The following PTPRN2 variants were observed in gnomAD, a reference collection of about 807,000 sequenced individuals.
PTPRN2 encodes the protein protein tyrosine phosphatase receptor type N2.
PTPRN2 carries 74 observed loss-of-function variants against 118.8 expected under a neutral mutation model. The observed-to-expected ratio is 0.62, with a 90% confidence interval of 0.52 to 0.76. The LOEUF is 0.76. Among genes scored for constraint, PTPRN2 ranks in the 30% least tolerant of loss-of-function variants. The pLI is 0.00. For synonymous variants in PTPRN2, 641 were observed against 608.0 expected, an observed-to-expected ratio of 1.05 and a Z score of -0.80; for missense variants, 1,481 against 1,394.4, an observed-to-expected ratio of 1.06 and a Z score of -0.99.
chr7:158,347,523 A>C, intron 2 of PTPRN2, among the ~76,000 whole-genome samples: 1 of 152,240 alleles, frequency 6.6e-6, no homozygotes, highest in East Asian at 1.9e-4. Context: ...GTATATTTTG[A>C]AATCAGGTGG....
At chr7:158,078,960 ACCTCAG>A (rs1774830993) in intron 11 of PTPRN2, among the ~76,000 whole-genome samples, 1 of 151,876 alleles carries the variant, frequency 6.6e-6, no homozygotes, top group Non-Finnish European at 1.5e-5. Context: ...TGATTCTCCC[ACCTCAG>A]CCTCCCGAGT....
At chr7:157,844,052 C>T (rs6459813) in intron 12 of PTPRN2, among the ~76,000 whole-genome samples, 6 of 150,182 alleles carry the variant, frequency 4.0e-5, no homozygotes, top group Non-Finnish European at 5.9e-5. Context: ...TCCACGTCAT[C>T]GGTGTGGAAC....
At chr7:158,371,655 C>G (rs945554275) in intron 2 of PTPRN2, among the ~76,000 whole-genome samples, 2 of 152,130 alleles carry the variant, frequency 1.3e-5, no homozygotes, top group Admixed American at 6.6e-5. Context: ...AAAATGCACA[C>G]ACCAAGTGAC....
intron 6 of PTPRN2, among the ~76,000 whole-genome samples, chr7:158,149,436 A>T (rs1820683699): frequency 1.4e-5 from 2 of 139,050 alleles, no homozygotes; most frequent in South Asian, 4.8e-4. Context: ...CCTTTTCTCA[A>T]GAGGTAAAAA....
chr7:157,795,509 C>T (rs576235111), intron 12 of PTPRN2, among the ~76,000 whole-genome samples: 4 of 152,368 alleles, frequency 2.6e-5, no homozygotes, highest in South Asian at 2.1e-4. Flanking sequence ...GTTCTGTACT[C>T]GGCAGTCATT....
At chr7:158,428,519 T>C (rs1195186996) in intron 2 of PTPRN2, among the ~76,000 whole-genome samples, 1 of 152,240 alleles carries the variant, frequency 6.6e-6, no homozygotes, top group Non-Finnish European at 1.5e-5. Flanking sequence ...GATCGCAGTA[T>C]TGGGACACTT....
At chr7:158,466,548 T>C (rs1303723053) in intron 2 of PTPRN2, among the ~76,000 whole-genome samples, 3 of 152,212 alleles carry the variant, frequency 2.0e-5, no homozygotes, top group Non-Finnish European at 4.4e-5. Flanking sequence ...TGTGTATGTA[T>C]ACCACAATTG....
At chr7:158,264,966 C>T (rs941288233) in intron 3 of PTPRN2, among the ~76,000 whole-genome samples, 1 of 152,094 alleles carries the variant, frequency 6.6e-6, no homozygotes, top group Non-Finnish European at 1.5e-5. Context: ...CCTGCTAGAG[C>T]AGTCGAGGTC....
At chr7:157,604,736 C>T (rs1277311634) in intron 15 of PTPRN2, among the ~76,000 whole-genome samples, 1 of 152,204 alleles carries the variant, frequency 6.6e-6, no homozygotes, top group Non-Finnish European at 1.5e-5. Context: ...CATAAAAACT[C>T]GCTCGGACAG....
At chr7:158,271,763 CCT>C in intron 3 of PTPRN2, among the ~76,000 whole-genome samples, 2 of 152,276 alleles carry the variant, frequency 1.3e-5, no homozygotes, top group Non-Finnish European at 2.9e-5. Flanking sequence ...TGGGCCTTCC[CCT>C]GTCATCTCAC....
chr7:157,739,987 G>A (rs1800528490), intron 12 of PTPRN2, among the ~76,000 whole-genome samples: 1 of 152,262 alleles, frequency 6.6e-6, no homozygotes, highest in Non-Finnish European at 1.5e-5. Flanking sequence ...CACTGGGACT[G>A]TATGGAGTTT....
chr7:158,199,022 C>T (rs1826428243), intron 4 of PTPRN2, among the ~76,000 whole-genome samples: 1 of 152,048 alleles, frequency 6.6e-6, no homozygotes, highest in Admixed American at 6.6e-5. Flanking sequence ...TTAGCATGTT[C>T]CCAGGTTCTT....
At chr7:158,585,169 C>T (rs1231410586) in intron 1 of PTPRN2, among the ~76,000 whole-genome samples, 9 of 152,290 alleles carry the variant, frequency 5.9e-5, no homozygotes, top group South Asian at 4.2e-4. Flanking sequence ...AGCACCTGCC[C>T]GGCACAGGTA....
intron 13 of PTPRN2, among the ~76,000 whole-genome samples, chr7:157,661,216 C>T (rs943365374): frequency 2.6e-5 from 4 of 152,266 alleles, no homozygotes; most frequent in African/African-American, 9.6e-5. Flanking sequence ...CACTGCGCAG[C>T]GCAGGGTCTT....
chr7:158,303,836 A>C (rs535251421), intron 3 of PTPRN2, among the ~76,000 whole-genome samples: 1 of 152,254 alleles, frequency 6.6e-6, no homozygotes, highest in Non-Finnish European at 1.5e-5. Context: ...AGGGCTGACA[A>C]CTACTGCTCC....
chr7:157,553,646 C>T (rs892636282), intron 21 of PTPRN2, among the ~76,000 whole-genome samples: 3 of 152,170 alleles, frequency 2.0e-5, no homozygotes, highest in South Asian at 2.1e-4. Context: ...CAAAATGACA[C>T]GGGAGCGTGC....
At chr7:157,557,548 ACT>A (rs1798966746) in intron 21 of PTPRN2, among the ~76,000 whole-genome samples, 1 of 66,674 alleles carries the variant, frequency 1.5e-5, no homozygotes, top group Non-Finnish European at 3.0e-5. Flanking sequence ...CATCACACAC[ACT>A]CCCACACACA....
At chr7:158,089,851 G>T (rs1184914566) in intron 10 of PTPRN2, among the ~76,000 whole-genome samples, 1 of 120,614 alleles carries the variant, frequency 8.3e-6, no homozygotes, top group African/African-American at 2.9e-5. Context: ...GATGAAAGAG[G>T]GAGTCTTCAC....
chr7:158,434,326 T>C (rs988057452), intron 2 of PTPRN2, among the ~76,000 whole-genome samples: 14 of 152,220 alleles, frequency 9.2e-5, no homozygotes, highest in Non-Finnish European at 1.5e-4. Context: ...GGTAATTATC[T>C]CAATATTTGC....
Sources: gnomAD v4.1 joint callset for allele counts (sites outside exome capture counted in the v4.1 genomes callset) on GRCh38, gnomAD v4.1.1 for gene constraint, MANE v1.5 for transcripts, NCBI Gene and HGNC (gene_info 2026-07-23, HGNC 2026-07-21) for gene names.